Variants in C8orf34 observed in about 807,000 individuals in gnomAD.
The protein encoded by C8orf34 is uncharacterized protein C8orf34.
C8orf34 carries 65 observed loss-of-function variants against 68.3 expected under a neutral mutation model. The ratio of observed to expected loss-of-function variants is 0.95; its 90% confidence interval spans 0.78 to 1.17. The LOEUF (loss-of-function observed/expected upper bound fraction) is 1.17, where lower values mean the gene tolerates loss of function less well. Among genes scored for constraint, C8orf34 ranks in the 50% most tolerant of loss-of-function variants. The probability of loss-of-function intolerance (pLI) is 0.00; values close to 1 mark genes in which losing one functional copy is unlikely to be tolerated. For missense variants in C8orf34, 664 were observed against 655.4 expected (o/e 1.01, Z -0.14); for synonymous variants, 244 against 241.2 (o/e 1.01, Z -0.11).
At chr8:68,529,652 C>A (rs1815162089) in intron 6 of C8orf34, among the ~76,000 whole-genome samples, 1 of 152,066 alleles carries the variant, frequency 6.6e-6, no homozygotes, top group South Asian at 2.1e-4. Context: ...ACACATCCAG[C>A]CTCAAGGATT....
At chr8:68,382,412 T>A (rs1250578409) in intron 1 of C8orf34, among the ~76,000 whole-genome samples, 2 of 152,226 alleles carry the variant, frequency 1.3e-5, no homozygotes, top group African/African-American at 4.8e-5. Context: ...CTAAAGTAAA[T>A]TAAATTAGAA....
intron 8 of C8orf34, among the ~76,000 whole-genome samples, chr8:68,681,431 A>G (rs1745547637): frequency 6.6e-6 from 1 of 152,116 alleles, no homozygotes. Context: ...ACAATTGATC[A>G]CCAGAGAAAT....
chr8:68,556,151 G>GA (rs200377571), intron 7 of C8orf34, among the ~76,000 whole-genome samples: 4 of 147,410 alleles, frequency 2.7e-5, no homozygotes, highest in African/African-American at 5.0e-5. Context: ...CCTCATTTTT[G>GA]AAAAAAAAAT....
At chr8:68,353,610 A>G (rs1806614173) in intron 1 of C8orf34, among the ~76,000 whole-genome samples, 1 of 142,744 alleles carries the variant, frequency 7.0e-6, no homozygotes. Context: ...ACACACACAT[A>G]TATATATACA....
chr8:68,411,833 T>G (rs934016891), intron 1 of C8orf34, among the ~76,000 whole-genome samples: 7 of 152,190 alleles, frequency 4.6e-5, no homozygotes, highest in African/African-American at 1.7e-4. Flanking sequence ...TATTTTCATG[T>G]GTGTTTAGGG....
At chr8:68,436,829 C>A (rs1810688449) in intron 1 of C8orf34, among the ~76,000 whole-genome samples, 1 of 152,144 alleles carries the variant, frequency 6.6e-6, no homozygotes, top group Non-Finnish European at 1.5e-5. Flanking sequence ...TCAGGTCTAC[C>A]TCTGCGGCTC....
chr8:68,474,849 C>T (rs1319179041), intron 4 of C8orf34, among the ~76,000 whole-genome samples: 1 of 152,168 alleles, frequency 6.6e-6, no homozygotes, highest in African/African-American at 2.4e-5. Context: ...TACAAGGGAG[C>T]TGGAAAAAGT....
At chr8:68,769,672 T>TG (rs768342443) in intron 10 of C8orf34, among the ~76,000 whole-genome samples, 4 of 152,190 alleles carry the variant, frequency 2.6e-5, no homozygotes, top group Admixed American at 6.5e-5. Flanking sequence ...ATTTACAAAC[T>TG]TTATGATTTG....
chr8:68,784,806 G>A (rs79500306), intron 11 of C8orf34, among the ~76,000 whole-genome samples: 167 of 149,262 alleles, frequency 1.1e-3, no homozygotes, highest in African/African-American at 4.0e-3. Flanking sequence ...GTGTGTATGT[G>A]TGTGTGTGTG....
intron 8 of C8orf34, among the ~76,000 whole-genome samples, chr8:68,702,711 C>T (rs1821054548): frequency 6.6e-6 from 1 of 152,118 alleles, no homozygotes; most frequent in Non-Finnish European, 1.5e-5. Context: ...CTTCTCTCAT[C>T]CATTACATGG....
chr8:68,391,275 A>G (rs1207505888), intron 1 of C8orf34, among the ~76,000 whole-genome samples: 1 of 152,168 alleles, frequency 6.6e-6, no homozygotes, highest in Non-Finnish European at 1.5e-5. Flanking sequence ...TCCCACAGTA[A>G]CTTACACAAG....
chr8:68,557,164 G>A (rs1189818338), intron 7 of C8orf34, among the ~76,000 whole-genome samples: 2 of 152,052 alleles, frequency 1.3e-5, no homozygotes, highest in East Asian at 3.9e-4. Context: ...TTATTTTCCT[G>A]GAGGGTAAAA....
intron 1 of C8orf34, among the ~76,000 whole-genome samples, chr8:68,408,955 AT>A (rs1459947996): frequency 1.3e-5 from 2 of 152,020 alleles, no homozygotes; most frequent in African/African-American, 2.4e-5. Flanking sequence ...TACCTGGCTA[AT>A]TTTTGTATTT....
At chr8:68,754,992 T>G (rs1822814157) in intron 10 of C8orf34, among the ~76,000 whole-genome samples, 1 of 152,234 alleles carries the variant, frequency 6.6e-6, no homozygotes, top group Admixed American at 6.5e-5. Flanking sequence ...TTTAGCCTTG[T>G]AGGAAATTTC....
At chr8:68,574,698 A>G (rs77359445) in intron 7 of C8orf34, among the ~76,000 whole-genome samples, 2 of 152,168 alleles carry the variant, frequency 1.3e-5, no homozygotes, top group East Asian at 3.9e-4. Flanking sequence ...GAAACTTGAA[A>G]CACATGCATA....
chr8:68,671,129 A>C (rs1229078808), intron 8 of C8orf34, among the ~76,000 whole-genome samples: 1 of 152,188 alleles, frequency 6.6e-6, no homozygotes, highest in Non-Finnish European at 1.5e-5. Flanking sequence ...CTCTAAAATA[A>C]TGAGTGGTAA....
chr8:68,334,915 C>T (rs113275376), intron 1 of C8orf34, among the ~76,000 whole-genome samples: 6 of 152,328 alleles, frequency 3.9e-5, no homozygotes, highest in African/African-American at 7.2e-5. Flanking sequence ...TGGTACCCCA[C>T]GGCACTTCTT....
intron 10 of C8orf34, among the ~76,000 whole-genome samples, chr8:68,768,647 T>G (rs1461932346): frequency 1.3e-5 from 2 of 152,204 alleles, no homozygotes; most frequent in Non-Finnish European, 2.9e-5. Flanking sequence ...ACAAAAATAC[T>G]GATACATCTA....
chr8:68,432,865 G>A (rs1162386719), intron 1 of C8orf34, among the ~76,000 whole-genome samples: 3 of 152,054 alleles, frequency 2.0e-5, no homozygotes, highest in South Asian at 2.1e-4. Context: ...AGAGCTTAGG[G>A]GTGTAATGAG....
Sources: gnomAD v4.1 joint callset for allele counts (sites outside exome capture counted in the v4.1 genomes callset) on GRCh38, gnomAD v4.1.1 for gene constraint, MANE v1.5 for transcripts, NCBI Gene and HGNC (gene_info 2026-07-23, HGNC 2026-07-21) for gene names.